TRIM14: variants seen among roughly 807,000 people sequenced by gnomAD.
TRIM14 encodes the protein tripartite motif-containing protein 14.
In TRIM14, 28 loss-of-function variants were observed where a neutral mutation model predicts 44.5. The observed-to-expected ratio is 0.63, with a 90% CI of 0.47 to 0.86. The LOEUF (loss-of-function observed/expected upper bound fraction) is 0.86, where lower values mean the gene tolerates loss of function less well. Ranked by LOEUF, TRIM14 falls within the 40% of genes least tolerant of loss-of-function variation. The probability of loss-of-function intolerance (pLI) is 0.00; values close to 1 mark genes in which losing one functional copy is unlikely to be tolerated. For missense variants in TRIM14, 607 were observed against 611.1 expected (o/e 0.99, Z 0.07); for synonymous variants, 299 against 269.2 (o/e 1.11, Z -1.08).
chr9:98,042,875 A>C, the TRIM14 span, among the ~76,000 whole-genome samples: 1 of 152,180 alleles, frequency 6.6e-6, no homozygotes, highest in African/African-American at 2.4e-5. Flanking sequence ...CCTCAAAAAA[A>C]AAAAAAAAGA....
At chr9:98,094,750 A>G in intron 4 of TRIM14, 117 bp downstream of exon 4, 2 of 1,284,964 alleles carry the variant, frequency 1.6e-6, no homozygotes, top group Non-Finnish European at 1.1e-6. Context: ...CTGACCGCCC[A>G]GCCAAGGGCC....
At chr9:98,111,055 C>CA (rs913030972) in intron 1 of TRIM14, among the ~76,000 whole-genome samples, 31 of 150,880 alleles carry the variant, frequency 2.1e-4, no homozygotes, top group African/African-American at 7.3e-4. Context: ...CTGTCCCCCC[C>CA]CCCAAAAAAA....
At chr9:98,105,024 G>T (rs1295764548) in intron 2 of TRIM14, among the ~76,000 whole-genome samples, 3 of 152,200 alleles carry the variant, frequency 2.0e-5, no homozygotes, top group Non-Finnish European at 2.9e-5. Context: ...GGAAGAGGCA[G>T]GGAGTGGCCA....
chr9:98,046,771 T>A, the TRIM14 span, among the ~76,000 whole-genome samples: 1 of 152,198 alleles, frequency 6.6e-6, no homozygotes, highest in Non-Finnish European at 1.5e-5. Flanking sequence ...GATTTCCATA[T>A]TTTTATTTAA....
chr9:98,092,435 A>C (rs2118293999), intron 4 of TRIM14: 2 of 327,212 alleles, frequency 6.1e-6, no homozygotes, highest in South Asian at 2.3e-5. Flanking sequence ...GCCCCCCCAC[A>C]CCCTTCCCCC....
chr9:98,062,405 T>A, the TRIM14 span, among the ~76,000 whole-genome samples: 7 of 152,224 alleles, frequency 4.6e-5, no homozygotes, highest in East Asian at 1.4e-3. Context: ...TCAGGTCCCA[T>A]CTGCTCTGTG....
the TRIM14 span, among the ~76,000 whole-genome samples, chr9:98,041,299 T>C: frequency 6.6e-6 from 1 of 152,136 alleles, no homozygotes; most frequent in African/African-American, 2.4e-5. Flanking sequence ...ACAGGTGTAC[T>C]ATAGTTGTTT....
At chr9:98,063,668 A>C in the TRIM14 span, among the ~76,000 whole-genome samples, 1 of 152,118 alleles carries the variant, frequency 6.6e-6, no homozygotes, top group African/African-American at 2.4e-5. Flanking sequence ...CAGCCTGCTG[A>C]GTAGCTGGGA....
chr9:98,060,957 A>C, the TRIM14 span: 1 of 1,614,104 alleles, frequency 6.2e-7, no homozygotes, highest in East Asian at 2.2e-5. Context: ...AGGTACGCCG[A>C]GGAGGTTGGG....
At chr9:98,049,313 G>C in the TRIM14 span, among the ~76,000 whole-genome samples, 1 of 117,782 alleles carries the variant, frequency 8.5e-6, no homozygotes, top group East Asian at 2.6e-4. Context: ...CTACACTCCA[G>C]CCTGGGCAAC....
the TRIM14 span, among the ~76,000 whole-genome samples, chr9:98,059,852 A>G: frequency 6.6e-6 from 1 of 152,108 alleles, no homozygotes; most frequent in African/African-American, 2.4e-5. Flanking sequence ...TAACCTGTTC[A>G]AAGAAAATGT....
In TRIM14 at chr9:98,087,520, G is replaced by T; in HGVS notation, c.1279C>A (p.Pro427Thr). Residue 427 changes from proline to threonine, a missense_variant, in exon 6 of 6, where the codon CCG (proline) becomes ACG (threonine). Physicochemically the swap from Pro to Thr is conservative, Grantham distance 38. Around this residue, in one of 3 missense-constraint regions of TRIM14, gnomAD observed 356 missense variants for 323.0 expected, o/e 1.10. Coordinates refer to ENST00000341469, the MANE Select transcript of TRIM14 (RefSeq NM_014788.4). ...FRATFQEPLY[P>T]ALRLWEGAIS... ...GCCCCCTCCCAGAGCCGCAGGGCCGGGTAGAGCGGCTCCTGGAACGTGGCG... is the reference window on the plus strand; with the variant it reads ...GCCCCCTCCCAGAGCCGCAGGGCCGTGTAGAGCGGCTCCTGGAACGTGGCG... The T allele has an allele frequency of 6.3e-7, 1 of 1,598,864 alleles. No individual in the cohort carries two copies. Among genetic ancestry groups the T allele is most frequent in the Non-Finnish European group, 8.5e-7 (1 of 1,173,792 alleles).
chr9:98,054,003 AGCAAG>A, the TRIM14 span, among the ~76,000 whole-genome samples: 7 of 152,146 alleles, frequency 4.6e-5, no homozygotes, highest in Non-Finnish European at 7.4e-5. Flanking sequence ...GTATCACCCT[AGCAAG>A]GCTCAAACTG....
intron 6 of TRIM14, chr9:98,078,193 G>T (rs746136591): frequency 6.2e-7 from 1 of 1,614,186 alleles, no homozygotes; most frequent in East Asian, 2.2e-5. Context: ...GATTACTCAG[G>T]TCGCCCAATG....
chr9:98,094,897 G>C lies in TRIM14; in HGVS notation c.670C>G (p.Gln224Glu), dbSNP rs1826126622. Residue 224 changes from glutamine to glutamate, a missense_variant, in exon 4 of 6, where the codon CAG becomes GAG. Coordinates refer to ENST00000341469, the MANE Select transcript of TRIM14 (RefSeq NM_014788.4). ...TTAAGGCGAATGTCCAATGGCGTCT[G>C]TAATGTACTCTCCACGGCTTCCACG... ...GLVEAVESTL[Q>E]TPLDIRLKES... The C allele has an allele frequency of 6.2e-7, 1 of 1,614,088 alleles. No homozygotes were observed. Among genetic ancestry groups the C allele is most frequent in the Non-Finnish European group, 8.5e-7 (1 of 1,180,038 alleles).
At chr9:98,089,164 C>T (rs186007584) in intron 5 of TRIM14, among the ~76,000 whole-genome samples, 8 of 152,164 alleles carry the variant, frequency 5.3e-5, no homozygotes, top group Non-Finnish European at 1.0e-4. Context: ...TCTCCCACTT[C>T]CTACTTAGCT....
the TRIM14 span, among the ~76,000 whole-genome samples, chr9:98,049,729 A>G: frequency 1.3e-5 from 2 of 152,092 alleles, no homozygotes; most frequent in African/African-American, 4.8e-5. Flanking sequence ...GGCCTTTGTG[A>G]CATGTACCCT....
intron 1 of TRIM14, among the ~76,000 whole-genome samples, chr9:98,115,267 T>C (rs1827008350): frequency 6.6e-6 from 1 of 152,044 alleles, no homozygotes; most frequent in South Asian, 2.1e-4. Flanking sequence ...TTTTTCTTTC[T>C]GAGGTGGAGT....
At chr9:98,093,368 T>C (rs995651426) in intron 4 of TRIM14, among the ~76,000 whole-genome samples, 3 of 152,202 alleles carry the variant, frequency 2.0e-5, no homozygotes, top group Non-Finnish European at 4.4e-5. Flanking sequence ...TGGTGCTTAA[T>C]ATGCCTGAGC....
Sources: gnomAD v4.1 joint callset for allele counts (sites outside exome capture counted in the v4.1 genomes callset) on GRCh38, gnomAD v4.1.1 for gene constraint, gnomAD v4.1.1 regional missense constraint, MANE v1.5 for transcripts, NCBI Gene and HGNC (gene_info 2026-07-23, HGNC 2026-07-21) for gene names.